KLHL30: variants seen among roughly 807,000 people sequenced by gnomAD.
KLHL30 encodes kelch-like protein 30.
A neutral mutation model predicts 55.0 loss-of-function variants in KLHL30; 55 were observed. That is an observed-to-expected ratio of 1.00 (90% CI 0.80 to 1.25). The LOEUF is 1.25. KLHL30 is among the 50% of genes most tolerant of loss of function. The probability of loss-of-function intolerance (pLI) is 0.00; values close to 1 mark genes in which losing one functional copy is unlikely to be tolerated. For synonymous variants in KLHL30, 356 were observed against 372.6 expected (o/e 0.96, Z 0.51); for missense variants, 786 against 811.6 (o/e 0.97, Z 0.38).
In KLHL30 at chr2:238,141,411, C is replaced by T. The variant is rs767076009; in HGVS notation, c.657C>T (p.Leu219=). Residue 219 remains leucine, a synonymous_variant, in exon 2 of 8, where the codon CTC becomes CTT. Transcript: ENST00000409223. ...QARAAHLPEL[L]SLVHLDAVPR... The stretch of plus-strand genomic sequence containing the variant: ...GGGCCGCCCACCTGCCCGAGCTGCT[C>T]AGCCTAGTGCACCTGGACGCCGTGC... 7.6e-5 allele frequency: 120 copies of T among 1,577,338 alleles called. No homozygotes were observed. The highest frequency in any genetic ancestry group is 9.9e-5 in the Non-Finnish European group (116 of 1,167,714).
In KLHL30 at chr2:238,148,990, G is replaced by T; in HGVS notation, c.1340-17G>T. The T allele has an allele frequency of 1.3e-6, 2 of 1,572,602 alleles. No homozygotes were observed. Among genetic ancestry groups the T allele is most frequent in the Non-Finnish European group, 1.7e-6 (2 of 1,159,516 alleles). ...GGCAACCCTGGTGACGGTGGCCAGT[G>T]CCCGTGCCCCCCACAGATGCGTGGA... On this transcript the variant is annotated splice_polypyrimidine_tract_variant and intron_variant, in intron 6 of 7. Transcript: ENST00000409223.
chr2:238,146,008 C>T (rs377671813), intron 5 of KLHL30, among the ~76,000 whole-genome samples, 176 bp downstream of exon 5: 1 of 152,124 alleles, frequency 6.6e-6, no homozygotes, highest in Admixed American at 6.5e-5. Context: ...GGCTCCTGAC[C>T]AGGCGGGCCA....
In KLHL30 at chr2:238,140,879, G is replaced by A. The variant is rs556457723; in HGVS notation, c.125G>A (p.Arg42Gln). 36 of 1,610,986 alleles carry A rather than the reference G, an allele frequency of 2.2e-5. No homozygotes were observed. The highest frequency in any genetic ancestry group is 1.1e-4 in the East Asian group (5 of 44,836). Residue 42 changes from arginine (R) to glutamine (Q), a missense_variant, in exon 2 of 8, where the codon CGG becomes CAG. By Grantham distance (43) the Arg-to-Gln change is conservative. Coordinates refer to ENST00000409223, the MANE Select transcript of KLHL30 (RefSeq NM_198582.4). ...GACGTCACACTGCTGGTGGGCGGCC[G>A]GGAGCTGCCATGCCACCGCGGCCTC... ...LADVTLLVGGRELPCHRGLLA... is the reference protein window; with the variant it reads ...LADVTLLVGGQELPCHRGLLA...
In KLHL30 at chr2:238,149,117, T is replaced by A; in HGVS notation, c.1450T>A (p.Tyr484Asn). 6.2e-7 allele frequency: 1 copy of A among 1,613,054 alleles called. No individual in the cohort carries two copies. Among genetic ancestry groups the A allele is most frequent in the Middle Eastern group, 1.6e-4 (1 of 6,062 alleles). ...YLIGDNTKKV[Y>N]VYDPGANLWQ... ...CATTGGGGACAACACCAAGAAGGTC[T>A]ACGTGTACGACCCCGGGGCCAACCT... The change falls in exon 7 of 8, where the codon TAC becomes AAC. Residue 484 changes from tyrosine to asparagine, a missense_variant. Coordinates refer to ENST00000409223, the MANE Select transcript of KLHL30 (RefSeq NM_198582.4).
chr2:238,145,450 C>T (rs553156514), intron 4 of KLHL30, among the ~76,000 whole-genome samples: 1 of 152,322 alleles, frequency 6.6e-6, no homozygotes, highest in South Asian at 2.1e-4. Context: ...GGATAAGCTT[C>T]TGCTGATGGG....
Position 238,151,782 on chromosome 2 carries a change from A to T in KLHL30, c.*717A>T. On this transcript the variant is annotated 3_prime_UTR_variant, in exon 8 of 8. Coordinates refer to ENST00000409223, the MANE Select transcript of KLHL30 (RefSeq NM_198582.4). Reference sequence around the variant, plus strand: ...GAGGCAGGGCGTGGGGCGGGGCTGGAGGGTCCCAGGGAGGTGAGCAGTTTT... The same window carrying T: ...GAGGCAGGGCGTGGGGCGGGGCTGGTGGGTCCCAGGGAGGTGAGCAGTTTT... The T allele has an allele frequency of 4.4e-6, 3 of 678,964 alleles. No individual in the cohort carries two copies. The highest frequency in any genetic ancestry group is 5.5e-6 in the Non-Finnish European group (3 of 549,878). The allele number at this position is 678,964 out of a possible 1,614,324, so 42.1% of individuals were successfully genotyped here. A position where few individuals can be genotyped will look rare whatever the true frequency, so the allele number is the denominator to read the frequency against.
chr2:238,148,618 C>A (rs996352339), intron 6 of KLHL30, among the ~76,000 whole-genome samples: 2 of 151,714 alleles, frequency 1.3e-5, no homozygotes, highest in Admixed American at 6.6e-5. Context: ...CCAGGCAAGG[C>A]CCACCTGGGT....
Position 238,142,912 on chromosome 2 carries a change from C to T in KLHL30, c.888C>T (p.Ala296=). Residue 296 remains alanine, a synonymous_variant, in exon 3 of 8, where the codon GCC becomes GCT. Transcript: ENST00000409223. ...EEPTPGLGNF[A]FYNSKAKRWM... ...CCACCCCCGGCCTTGGGAACTTTGC[C>T]TTCTACAACAGCAAGGCCAGTGAGT... 5 of 1,505,802 alleles carry T rather than the reference C, an allele frequency of 3.3e-6. No individual in the cohort carries two copies. The highest frequency in any genetic ancestry group is 4.4e-6 in the Non-Finnish European group (5 of 1,140,144). 93.3% of individuals were successfully genotyped at this position (1,505,802 alleles called of 1,614,324 possible). A position where few individuals can be genotyped will look rare whatever the true frequency, so the allele number is the denominator to read the frequency against.
At chr2:238,144,404 A>AGGCAGGC (rs1692599261) in intron 3 of KLHL30, among the ~76,000 whole-genome samples, 2 of 121,778 alleles carry the variant, frequency 1.6e-5, no homozygotes, top group African/African-American at 6.6e-5. Context: ...GGAAGGAAGG[A>AGGCAGGC]AGGAAGGAAG....
chr2:238,144,432 A>AAGGAAGGCAGGC (rs1692608040), intron 3 of KLHL30, among the ~76,000 whole-genome samples: 112 of 82,412 alleles, frequency 1.4e-3, no homozygotes, highest in South Asian at 2.5e-3. Flanking sequence ...GGAAGGAAGG[A>AAGGAAGGCAGGC]AGGCAGGCAG....
At chr2:238,145,058 C>T in intron 4 of KLHL30, 70 bp downstream of exon 4, 1 of 1,249,018 alleles carries the variant, frequency 8.0e-7, no homozygotes, top group Middle Eastern at 1.8e-4. Flanking sequence ...CAACTCCCCG[C>T]ACTCCGTGGG....
Position 238,140,751 on chromosome 2 carries a change from C to G in KLHL30, c.-4C>G. 1.3e-6 allele frequency: 2 copies of G among 1,502,396 alleles called. No individual in the cohort carries two copies. Among genetic ancestry groups the G allele is most frequent in the Non-Finnish European group, 1.8e-6 (2 of 1,118,372 alleles). The allele number at this position is 1,502,396 out of a possible 1,614,324, so 93.1% of individuals were successfully genotyped here. ...GACTACTGAGGTCCCCTGGGCACGG[C>G]GTCATGGTGCGGAACGTGGATGACC... On this transcript the variant is annotated 5_prime_UTR_variant, in exon 2 of 8. Transcript: ENST00000409223.
In KLHL30 at chr2:238,152,066, T is replaced by C. The variant is rs1692765729; in HGVS notation, c.*1001T>C. The C allele has an allele frequency of 1.0e-6, 1 of 985,392 alleles. No homozygotes were observed. Among genetic ancestry groups the C allele is most frequent in the Non-Finnish European group, 1.2e-6 (1 of 829,996 alleles). The allele number at this position is 985,392 out of a possible 1,614,324, so 61.0% of individuals were successfully genotyped here. ...TGAAGGACTCTCCCTGGGTGCCCAA[T>C]GGCGTGTCCCTCCTGTCACAGGCTC... is the stretch of plus-strand genomic sequence containing the variant. On this transcript the variant is annotated 3_prime_UTR_variant, in exon 8 of 8. Transcript: ENST00000409223.
At chr2:238,145,895 A>G in intron 5 of KLHL30, 63 bp downstream of exon 5, 1 of 1,464,444 alleles carries the variant, frequency 6.8e-7, no homozygotes, top group Non-Finnish European at 9.1e-7. Flanking sequence ...CTGCAGCAAC[A>G]GGAACCGAGA....
Position 238,141,459 on chromosome 2 carries a change from G to A in KLHL30, c.705G>A (p.Leu235=). The change falls in exon 2 of 8, where the codon CTG becomes CTA. Residue 235 remains leucine (L), a synonymous_variant. Transcript: ENST00000409223. The stretch of plus-strand genomic sequence containing the variant: ...TGCCCAGGCCCTGCGTGCAGCAACT[G>A]CTGGCCTCAGAGCCCCTGATCCAGG... ...DAVPRPCVQQ[L]LASEPLIQES... is the part of the protein sequence containing the mutation. 1 of 1,527,370 alleles carries A rather than the reference G, an allele frequency of 6.5e-7. No homozygotes were observed. 94.6% of individuals were successfully genotyped at this position (1,527,370 alleles called of 1,614,324 possible).
At position 238,149,127 on chromosome 2, in the gene KLHL30, A is replaced by T. The variant is rs1242629239; in HGVS notation, c.1460A>T (p.Asp487Val). Residue 487 changes from aspartate to valine, a missense_variant, in exon 7 of 8, where the codon GAC becomes GTC. By Grantham distance (152) the Asp-to-Val change is radical. Coordinates refer to ENST00000409223, the MANE Select transcript of KLHL30 (RefSeq NM_198582.4). ...GDNTKKVYVY[D>V]PGANLWQKVQ... ...AACACCAAGAAGGTCTACGTGTACG[A>T]CCCCGGGGCCAACCTGTGGCAGAAG... The T allele has an allele frequency of 2.5e-6, 4 of 1,612,290 alleles. No individual in the cohort carries two copies. The African/African-American group carries it at 5.4e-5, about 22-fold the overall frequency.
At position 238,150,975 on chromosome 2, in the gene KLHL30, GCCC is replaced by G; in HGVS notation, c.1649_1651del (p.Pro550del). The G allele has an allele frequency of 6.3e-7, 1 of 1,590,906 alleles. No homozygotes were observed. Among genetic ancestry groups the G allele is most frequent in the Non-Finnish European group, 8.5e-7 (1 of 1,170,070 alleles). On this transcript the variant is annotated inframe_deletion, in exon 8 of 8. Coordinates refer to ENST00000409223, the MANE Select transcript of KLHL30 (RefSeq NM_198582.4). The stretch of plus-strand genomic sequence containing the variant: ...ACACCTGGACCCGCCACGGCGCCCT[GCCC>G]CGGCTCTGGCTCTACCACGGGGCCT...
chr2:238,148,865 G>A lies in KLHL30; in HGVS notation c.1340-142G>A, dbSNP rs548694021. On this transcript the variant is annotated intron_variant, in intron 6 of 7. Transcript: ENST00000409223. Reference sequence around the variant, plus strand: ...GGTGTGGGTCCCTCCCAGCTGCACCGCAGGGACCTACTCCCATTTCACAGA... The same window carrying A: ...GGTGTGGGTCCCTCCCAGCTGCACCACAGGGACCTACTCCCATTTCACAGA... 8.4e-4 allele frequency: 667 copies of A among 791,826 alleles called. 2 individuals carry two copies. In the Middle Eastern group the frequency reaches 0.015, roughly 18 times the overall value. 49.1% of individuals were successfully genotyped at this position (791,826 alleles called of 1,614,324 possible).
chr2:238,145,580 C>G, intron 4 of KLHL30, 97 bp from the exon 5 acceptor site: 1 of 1,408,612 alleles, frequency 7.1e-7, no homozygotes, highest in Admixed American at 2.0e-5. Context: ...AGATCATGGC[C>G]TGGCATGGGA....
Sources: gnomAD v4.1 joint callset for allele counts (sites outside exome capture counted in the v4.1 genomes callset) on GRCh38, gnomAD v4.1.1 for gene constraint, MANE v1.5 for transcripts, NCBI Gene and HGNC (gene_info 2026-07-23, HGNC 2026-07-21) for gene names.